The following ODR4 variants were observed in gnomAD, a reference collection of about 807,000 sequenced individuals.
ODR4 encodes protein odr-4 homolog.
ODR4 carries 47 observed loss-of-function variants against 60.2 expected under a neutral mutation model. The ratio of observed to expected loss-of-function variants is 0.78; its 90% CI spans 0.62 to 1.00. ODR4 has a LOEUF of 1.00. Among genes scored for constraint, ODR4 ranks in the 50% least tolerant of loss-of-function variants. The probability of loss-of-function intolerance (pLI) is 0.00; values close to 1 mark genes in which losing one functional copy is unlikely to be tolerated. For synonymous variants in ODR4, 178 were observed against 175.5 expected (o/e 1.01, Z -0.11); for missense variants, 488 against 530.8 (o/e 0.92, Z 0.79).
intron 8 of ODR4, 100 bp from the exon 9 acceptor site, chr1:186,393,847 T>G: frequency 1.5e-6 from 1 of 662,190 alleles, no homozygotes; most frequent in Admixed American, 3.2e-5. Context: ...AAAGACTTGT[T>G]TTTTTCTAAG....
intron 4 of ODR4, among the ~76,000 whole-genome samples, chr1:186,387,369 A>G (rs1404104733): frequency 1.3e-5 from 2 of 152,206 alleles, no homozygotes; most frequent in Non-Finnish European, 2.9e-5. Flanking sequence ...CGTATTTAAT[A>G]TTAATAGCAT....
At chr1:186,400,809 T>G (rs1227179289) in intron 11 of ODR4, 9 of 363,800 alleles carry the variant, frequency 2.5e-5, no homozygotes, top group Non-Finnish European at 4.4e-5. Flanking sequence ...TAATTTATAA[T>G]TTTGCTGGAA....
intron 11 of ODR4, among the ~76,000 whole-genome samples, chr1:186,399,724 A>G (rs1660847321): frequency 1.3e-5 from 2 of 152,282 alleles, no homozygotes; most frequent in Admixed American, 6.5e-5. Flanking sequence ...TAAATACTAT[A>G]TAATAGCTCC....
chr1:186,404,327 C>G (rs1661094670), intron 11 of ODR4, among the ~76,000 whole-genome samples: 1 of 152,124 alleles, frequency 6.6e-6, no homozygotes, highest in African/African-American at 2.4e-5. Context: ...GCTAATTTAA[C>G]TTCTTAATTT....
Position 186,417,610 on chromosome 1 carries a change from A to G in ODR4, c.1253A>G (p.Gln418Arg). 6.2e-7 allele frequency: 1 copy of G among 1,601,550 alleles called. No homozygotes were observed. The highest frequency in any genetic ancestry group is 8.5e-7 in the Non-Finnish European group (1 of 1,172,712). Residue 418 changes from glutamine to arginine, a missense_variant, in exon 13 of 14, where the codon CAA becomes CGA. By Grantham distance (43) the Gln-to-Arg change is conservative. Transcript: ENST00000287859. The stretch of plus-strand genomic sequence containing the variant: ...AACACAGATGATGAACAACCAAAAC[A>G]ACCAATTAAAACTACAATGTTATTG... ...LDNTDDEQPK[Q>R]PIKTTMLLKI... is the part of the protein sequence containing the mutation.
Position 186,419,132 on chromosome 1 carries a change from A to C in ODR4, c.*56A>C. 2 of 1,407,874 alleles carry C rather than the reference A, an allele frequency of 1.4e-6. No individual in the cohort carries two copies. The highest frequency in any genetic ancestry group is 2.0e-6 in the Non-Finnish European group (2 of 1,008,442). 87.2% of individuals were successfully genotyped at this position (1,407,874 alleles called of 1,614,324 possible). ...AGAGAACATTGACAGACAATTATGA[A>C]TAATAAAGATGTTAACAATCCATCT... On this transcript the variant is annotated 3_prime_UTR_variant, in exon 14 of 14. Coordinates refer to ENST00000287859, the MANE Select transcript of ODR4 (RefSeq NM_017847.6).
intron 12 of ODR4, among the ~76,000 whole-genome samples, chr1:186,409,245 A>C (rs1419366848): frequency 6.6e-6 from 1 of 152,062 alleles, no homozygotes; most frequent in Non-Finnish European, 1.5e-5. Context: ...TATTCCTAAG[A>C]GGTAACTATG....
chr1:186,397,283 G>A (rs1223858055), intron 9 of ODR4, among the ~76,000 whole-genome samples: 1 of 152,082 alleles, frequency 6.6e-6, no homozygotes, highest in Non-Finnish European at 1.5e-5. Flanking sequence ...TAGGCACAAA[G>A]CACTTTTCAC....
At position 186,388,479 on chromosome 1, in the gene ODR4, G is replaced by T; in HGVS notation, c.368G>T (p.Arg123Ile). 6.4e-7 allele frequency: 1 copy of T among 1,570,880 alleles called. No homozygotes were observed. The highest frequency in any genetic ancestry group is 1.9e-5 in the Admixed American group (1 of 53,314). ...FAVEKSINRK[R>I]LWNFTEEEVS... Reference sequence around the variant, plus strand: ...GTGGAAAAGTCTATAAATAGAAAGAGATTGTGGAATTTCACAGAGGAGGAA... The same window carrying T: ...GTGGAAAAGTCTATAAATAGAAAGATATTGTGGAATTTCACAGAGGAGGAA... Residue 123 changes from arginine to isoleucine, a missense_variant, in exon 5 of 14, where the codon AGA becomes ATA. Coordinates refer to ENST00000287859, the MANE Select transcript of ODR4 (RefSeq NM_017847.6).
intron 3 of ODR4, 135 bp from the exon 4 acceptor site, chr1:186,385,850 ATGT>A (rs1400316997): frequency 5.3e-6 from 3 of 569,736 alleles, no homozygotes; most frequent in African/African-American, 3.9e-5. Flanking sequence ...TAGCTAAAGG[ATGT>A]TGTTATCAGA....
At position 186,383,130 on chromosome 1, in the gene ODR4, G is replaced by T. The variant is rs1010626606; in HGVS notation, c.208G>T (p.Glu70Ter). 1.3e-6 allele frequency: 2 copies of T among 1,554,560 alleles called. No individual in the cohort carries two copies. The highest frequency in any genetic ancestry group is 2.7e-5 in the African/African-American group (2 of 73,234). The change falls in exon 3 of 14, where the codon GAA (glutamate) becomes TAA (stop). Residue 70 changes from glutamate to a stop codon, truncating the protein, a stop_gained. Transcript: ENST00000287859. LOFTEE classifies it high-confidence loss of function. ...AGCTAAGTTGGATAACTTGGATGAA[G>T]AATGGGCCACAGAACATGCCTGCCA... ...PKAKLDNLDE[E>*]WATEHACQVS...
chr1:186,404,818 G>A (rs1382323643), intron 11 of ODR4, among the ~76,000 whole-genome samples: 1 of 152,064 alleles, frequency 6.6e-6, no homozygotes, highest in African/African-American at 2.4e-5. Flanking sequence ...ACGAAGTCTA[G>A]GTTACTATTA....
chr1:186,415,860 A>G (rs534159074), intron 12 of ODR4, among the ~76,000 whole-genome samples: 1 of 152,182 alleles, frequency 6.6e-6, no homozygotes, highest in Non-Finnish European at 1.5e-5. Flanking sequence ...CATCAGTCAA[A>G]TGCCTGTGAT....
At position 186,390,769 on chromosome 1, in the gene ODR4, C is replaced by A. The variant is rs1245461358; in HGVS notation, c.533C>A (p.Ser178Tyr). ...AGTGGATTATCATCCTCATGGCTTT[C>A]TTTAGAGTGTACAGTTCACATTAAT... Reference protein sequence around the residue: ...YQSGLSSSWLSLECTVHINIH... With the variant: ...YQSGLSSSWLYLECTVHINIH... The change falls in exon 7 of 14, where the codon TCT becomes TAT. Residue 178 changes from serine to tyrosine, a missense_variant. Ser to Tyr is a moderately radical substitution (Grantham distance 144). Transcript: ENST00000287859. The A allele has an allele frequency of 2.5e-6, 4 of 1,613,184 alleles. No homozygotes were observed. The highest frequency in any genetic ancestry group is 3.4e-6 in the Non-Finnish European group (4 of 1,179,298).
Position 186,419,972 on chromosome 1 carries a change from C to T in ODR4, c.*896C>T, listed in dbSNP as rs1661720517. 1.3e-5 allele frequency: 2 copies of T among 152,046 alleles called. No homozygotes were observed. The highest frequency in any genetic ancestry group is 4.8e-5 in the African/African-American group (2 of 41,416). The allele number at this position is 152,046 out of a possible 1,614,324, so 9.4% of individuals were successfully genotyped here. Reference sequence around the variant, plus strand: ...ATAAAATACGTGCTTTCTCAGGTTACTGTATAACTGTTATAATATATTTAA... The same window carrying T: ...ATAAAATACGTGCTTTCTCAGGTTATTGTATAACTGTTATAATATATTTAA... On this transcript the variant is annotated 3_prime_UTR_variant, in exon 14 of 14. Coordinates refer to ENST00000287859, the MANE Select transcript of ODR4 (RefSeq NM_017847.6).
chr1:186,395,703 A>T (rs150171116), intron 9 of ODR4, among the ~76,000 whole-genome samples: 45 of 152,164 alleles, frequency 3.0e-4, no homozygotes, highest in African/African-American at 1.1e-3. Context: ...AATCCCTTCT[A>T]CCTTTGTTAG....
chr1:186,397,865 G>A (rs961280799), intron 9 of ODR4, among the ~76,000 whole-genome samples: 2 of 152,144 alleles, frequency 1.3e-5, no homozygotes, highest in Non-Finnish European at 2.9e-5. Flanking sequence ...ATATGTGTCT[G>A]TGCATTGCTT....
Position 186,419,196 on chromosome 1 carries a change from G to A in ODR4, c.*120G>A. ...TAGCAGCCAGATCTGCTGCCATGATGCCTATTTGGTGTGTTTCTGATTAAA... is the reference window on the plus strand; with the variant it reads ...TAGCAGCCAGATCTGCTGCCATGATACCTATTTGGTGTGTTTCTGATTAAA... On this transcript the variant is annotated 3_prime_UTR_variant, in exon 14 of 14. Coordinates refer to ENST00000287859, the MANE Select transcript of ODR4 (RefSeq NM_017847.6). 1.2e-6 allele frequency: 1 copy of A among 859,684 alleles called. No individual in the cohort carries two copies. The allele number at this position is 859,684 out of a possible 1,614,324, so 53.3% of individuals were successfully genotyped here.
At chr1:186,378,477 G>A (rs1349585014) in intron 1 of ODR4, among the ~76,000 whole-genome samples, 1 of 151,882 alleles carries the variant, frequency 6.6e-6, no homozygotes, top group Non-Finnish European at 1.5e-5. Context: ...CAATATCTTT[G>A]GTTTTAAGCT....
Sources: allele counts gnomAD v4.1 joint callset (sites outside exome capture counted in the v4.1 genomes callset), GRCh38; gene constraint gnomAD v4.1.1; transcripts MANE v1.5; gene names NCBI Gene and HGNC (gene_info 2026-07-23, HGNC 2026-07-21).